Variants in NLRP14 observed in about 807,000 individuals in gnomAD.
NLRP14 encodes NLR family pyrin domain containing 14, also known as NACHT, LRR and PYD domains-containing protein 14.
In NLRP14, 105 loss-of-function variants were observed where a neutral mutation model predicts 94.7. The ratio of observed to expected loss-of-function variants is 1.11; its 90% CI spans 0.95 to 1.30. NLRP14 has a LOEUF of 1.30. NLRP14 is among the 50% of genes most tolerant of loss of function. The probability of loss-of-function intolerance (pLI) is 0.00; values close to 1 mark genes in which losing one functional copy is unlikely to be tolerated. For synonymous variants in NLRP14, 508 were observed against 459.9 expected (o/e 1.10, Z -1.34); for missense variants, 1,362 against 1,254.1 (o/e 1.09, Z -1.30).
chr11:7,039,663 A>G, intron 2 of NLRP14, 51 bp from the exon 3 acceptor site: 2 of 1,406,604 alleles, frequency 1.4e-6, no homozygotes, highest in East Asian at 4.5e-5. Flanking sequence ...CCATCATGAA[A>G]GCTCACTTTG....
intron 10 of NLRP14, among the ~76,000 whole-genome samples, chr11:7,069,758 C>G (rs1400407781): frequency 6.6e-6 from 1 of 152,118 alleles, no homozygotes; most frequent in Non-Finnish European, 1.5e-5. Flanking sequence ...TCCCAAGCAG[C>G]TGGGATTACA....
chr11:7,046,954 TAAAC>T, intron 5 of NLRP14, 122 bp downstream of exon 5: 1 of 799,932 alleles, frequency 1.3e-6, no homozygotes, highest in Non-Finnish European at 2.2e-6. Context: ...TTTTGTAAAA[TAAAC>T]AGGAACAATG....
chr11:7,085,900 A>C, the NLRP14 span, among the ~76,000 whole-genome samples: 1 of 152,214 alleles, frequency 6.6e-6, no homozygotes, highest in African/African-American at 2.4e-5. Flanking sequence ...TGTAGAACCC[A>C]CAGATATGGA....
At chr11:7,078,209 C>G in the NLRP14 span, among the ~76,000 whole-genome samples, 1 of 151,546 alleles carries the variant, frequency 6.6e-6, no homozygotes, top group South Asian at 2.1e-4. Context: ...GAGGCCAAGA[C>G]GGGTGGATCA....
At chr11:7,080,000 G>C in the NLRP14 span, among the ~76,000 whole-genome samples, 1 of 152,166 alleles carries the variant, frequency 6.6e-6, no homozygotes, top group Non-Finnish European at 1.5e-5. Context: ...GGGCTGTATA[G>C]ATAAGGACTG....
the NLRP14 span, chr11:7,089,715 C>T: frequency 5.7e-4 from 873 of 1,526,776 alleles, 5 homozygotes; most frequent in African/African-American, 0.011. Flanking sequence ...CCGGGAGCCG[C>T]TGCCCCCGCG....
chr11:7,071,131 G>T, intron 11 of NLRP14, 42 bp from the exon 12 acceptor site: 1 of 1,612,484 alleles, frequency 6.2e-7, no homozygotes, highest in Non-Finnish European at 8.5e-7. Flanking sequence ...GGGCTGTAGG[G>T]AAATTGAATG....
intron 1 of NLRP14, among the ~76,000 whole-genome samples, chr11:7,033,001 G>T (rs1852118366): frequency 6.6e-6 from 1 of 152,078 alleles, no homozygotes; most frequent in Non-Finnish European, 1.5e-5. Flanking sequence ...ATTAGGAAAT[G>T]GACTTTTATA....
chr11:7,088,988 G>A, the NLRP14 span: 1 of 1,069,512 alleles, frequency 9.4e-7, no homozygotes, highest in South Asian at 1.5e-5. Flanking sequence ...GGCTCCGGCT[G>A]CGGTTCCGTG....
intron 3 of NLRP14, among the ~76,000 whole-genome samples, chr11:7,042,178 T>C (rs1289588686): frequency 2.0e-5 from 3 of 152,086 alleles, no homozygotes; most frequent in African/African-American, 4.8e-5. Context: ...TCTATTCTGG[T>C]TTTTATTACA....
At chr11:7,023,670 G>A (rs770923112) in intron 1 of NLRP14, among the ~76,000 whole-genome samples, 2 of 151,782 alleles carry the variant, frequency 1.3e-5, no homozygotes, top group East Asian at 1.9e-4. Flanking sequence ...CTTGAGACTG[G>A]ATAATTTATA....
chr11:7,030,895 G>T (rs1004904712), intron 1 of NLRP14, among the ~76,000 whole-genome samples: 8 of 152,216 alleles, frequency 5.3e-5, no homozygotes, highest in African/African-American at 7.2e-5. Flanking sequence ...GAGCGCAGGG[G>T]ATCCTATATT....
At chr11:7,089,970 G>A in the NLRP14 span, 1 of 1,613,128 alleles carries the variant, frequency 6.2e-7, no homozygotes, top group Non-Finnish European at 8.5e-7. Context: ...AGAGCCCTTT[G>A]AGAGCTACGG....
the NLRP14 span, among the ~76,000 whole-genome samples, chr11:7,086,599 C>T: frequency 1.3e-5 from 2 of 152,170 alleles, no homozygotes; most frequent in African/African-American, 4.8e-5. Flanking sequence ...GACACAATAT[C>T]CATTCCCAGA....
intron 1 of NLRP14, among the ~76,000 whole-genome samples, chr11:7,038,239 G>C (rs1313103463): frequency 6.6e-6 from 1 of 152,170 alleles, no homozygotes; most frequent in Non-Finnish European, 1.5e-5. Flanking sequence ...AAAATTAGAG[G>C]TTGGCTCTGC....
At chr11:7,089,769 A>G in the NLRP14 span, 1 of 1,581,812 alleles carries the variant, frequency 6.3e-7, no homozygotes, top group Non-Finnish European at 8.5e-7. Context: ...CTACTCGTCC[A>G]GAGACGGCTA....
At chr11:7,064,264 T>C (rs967470381) in intron 10 of NLRP14, among the ~76,000 whole-genome samples, 2 of 152,134 alleles carry the variant, frequency 1.3e-5, no homozygotes, top group Non-Finnish European at 2.9e-5. Context: ...GAGGTTGCTA[T>C]TGATGGCATC....
At chr11:7,088,404 G>C in the NLRP14 span, among the ~76,000 whole-genome samples, 4 of 152,136 alleles carry the variant, frequency 2.6e-5, no homozygotes, top group Non-Finnish European at 5.9e-5. Context: ...CCAGTGCATA[G>C]AGAATAAGTT....
At chr11:7,031,986 C>T (rs981523433) in intron 1 of NLRP14, among the ~76,000 whole-genome samples, 4 of 152,182 alleles carry the variant, frequency 2.6e-5, no homozygotes, top group African/African-American at 9.7e-5. Context: ...AGCAGTGACC[C>T]AAAATTGCTC....
Sources: gnomAD v4.1 joint callset for allele counts (sites outside exome capture counted in the v4.1 genomes callset) on GRCh38, gnomAD v4.1.1 for gene constraint, MANE v1.5 for transcripts, NCBI Gene and HGNC (gene_info 2026-07-23, HGNC 2026-07-21) for gene names.